Variants in HORMAD2 observed in about 807,000 individuals in gnomAD.
The protein encoded by HORMAD2 is HORMA domain-containing protein 2.
A neutral mutation model predicts 38.8 loss-of-function variants in HORMAD2; 45 were observed. The observed-to-expected ratio is 1.16, with a 90% CI of 0.91 to 1.49. The LOEUF (loss-of-function observed/expected upper bound fraction) is 1.49. Among genes scored for constraint, HORMAD2 ranks in the 40% most tolerant of loss-of-function variants. The pLI, the probability that HORMAD2 is intolerant of heterozygous loss-of-function variation, is 0.00. For missense variants in HORMAD2, 338 were observed against 367.0 expected (o/e 0.92, Z 0.65); for synonymous variants, 126 against 122.8 (o/e 1.03, Z -0.17).
intron 10 of HORMAD2, among the ~76,000 whole-genome samples, chr22:30,171,172 C>T (rs1926087137): frequency 6.6e-6 from 1 of 152,186 alleles, no homozygotes; most frequent in Non-Finnish European, 1.5e-5. Context: ...TCTGATCTTT[C>T]AATAAGCAAA....
At chr22:30,078,255 C>T (rs2068407632), upstream of HORMAD2, among the ~76,000 whole-genome samples, 1 of 152,160 alleles carries the variant, frequency 6.6e-6, no homozygotes, top group South Asian at 2.1e-4. Flanking sequence ...CCTCTGATGA[C>T]ACTTACTTAC....
intron 1 of HORMAD2, among the ~76,000 whole-genome samples, chr22:30,084,990 G>A (rs1017845190): frequency 7.3e-5 from 11 of 151,596 alleles, no homozygotes; most frequent in African/African-American, 1.7e-4. Context: ...CTAAAAATAC[G>A]AAAAAATTAG....
chr22:30,153,764 C>T (rs1259381181), intron 10 of HORMAD2, among the ~76,000 whole-genome samples: 3 of 152,220 alleles, frequency 2.0e-5, no homozygotes, highest in Non-Finnish European at 4.4e-5. Context: ...GTAAACGACA[C>T]TATCATTTAC....
chr22:30,085,457 T>TA (rs955263626), intron 1 of HORMAD2, among the ~76,000 whole-genome samples: 1 of 152,122 alleles, frequency 6.6e-6, no homozygotes, highest in South Asian at 2.1e-4. Flanking sequence ...TTATACCTAT[T>TA]AAAAAAACTT....
At chr22:30,132,477 A>G (rs1052600151) in intron 10 of HORMAD2, among the ~76,000 whole-genome samples, 5 of 151,024 alleles carry the variant, frequency 3.3e-5, no homozygotes, top group African/African-American at 1.2e-4. Context: ...CAGAGGTTGC[A>G]GTGAGCTGAG....
chr22:30,194,328 G>A, the HORMAD2 span, among the ~76,000 whole-genome samples: 5 of 152,152 alleles, frequency 3.3e-5, no homozygotes, highest in Non-Finnish European at 7.4e-5. Context: ...TGAAAAATCT[G>A]TTAAAGACAT....
intron 10 of HORMAD2, among the ~76,000 whole-genome samples, chr22:30,131,197 A>G (rs1468567404): frequency 2.0e-5 from 3 of 152,230 alleles, no homozygotes; most frequent in Non-Finnish European, 4.4e-5. Context: ...TCTAGTAGAA[A>G]TAATTAACCC....
intron 10 of HORMAD2, among the ~76,000 whole-genome samples, chr22:30,143,270 C>G (rs186402305): frequency 6.6e-6 from 1 of 152,196 alleles, no homozygotes; most frequent in Admixed American, 6.5e-5. Flanking sequence ...TACTGATGCT[C>G]TTTGTTTTCT....
At chr22:30,100,153 C>G (rs1400381191) in intron 3 of HORMAD2, among the ~76,000 whole-genome samples, 1 of 152,148 alleles carries the variant, frequency 6.6e-6, no homozygotes, top group Non-Finnish European at 1.5e-5. Flanking sequence ...AAGAACAAAG[C>G]TGGAGGCATC....
intron 10 of HORMAD2, among the ~76,000 whole-genome samples, chr22:30,171,036 C>T (rs1238691093): frequency 6.6e-6 from 1 of 152,180 alleles, no homozygotes; most frequent in Non-Finnish European, 1.5e-5. Flanking sequence ...ACTTTCTCAA[C>T]ATGACAGTCT....
chr22:30,151,347 G>A (rs1924736523), intron 10 of HORMAD2, among the ~76,000 whole-genome samples: 2 of 152,020 alleles, frequency 1.3e-5, no homozygotes, highest in South Asian at 2.1e-4. Context: ...TCCAGAAGTC[G>A]GTAAACATAT....
chr22:30,162,148 AC>A (rs1322563083), intron 10 of HORMAD2, among the ~76,000 whole-genome samples: 1 of 152,160 alleles, frequency 6.6e-6, no homozygotes, highest in Non-Finnish European at 1.5e-5. Flanking sequence ...ACCCGTCTCT[AC>A]CAAAAATACA....
chr22:30,115,735 A>G (rs867643910), intron 7 of HORMAD2, among the ~76,000 whole-genome samples: 2 of 152,204 alleles, frequency 1.3e-5, no homozygotes, highest in South Asian at 2.1e-4. Context: ...TTTCAGATAG[A>G]CATAGTGCTA....
the HORMAD2 span, among the ~76,000 whole-genome samples, chr22:30,207,352 G>T: frequency 6.6e-6 from 1 of 152,134 alleles, no homozygotes; most frequent in Non-Finnish European, 1.5e-5. Flanking sequence ...CCTATGAAGG[G>T]CAAGAAACCA....
chr22:30,090,621 AT>A (rs1258395390), intron 1 of HORMAD2, among the ~76,000 whole-genome samples: 2 of 152,190 alleles, frequency 1.3e-5, no homozygotes, highest in South Asian at 2.1e-4. Flanking sequence ...TGCCATTGCT[AT>A]TTTCCACAAT....
At chr22:30,127,481 A>G (rs1325814271) in intron 10 of HORMAD2, among the ~76,000 whole-genome samples, 1 of 152,126 alleles carries the variant, frequency 6.6e-6, no homozygotes, top group Non-Finnish European at 1.5e-5. Flanking sequence ...TGCTGGGATT[A>G]CAGGTGTGAA....
intron 1 of HORMAD2, among the ~76,000 whole-genome samples, chr22:30,087,204 A>G (rs2068585596): frequency 2.0e-5 from 3 of 152,154 alleles, no homozygotes. Flanking sequence ...GGAACGAGGA[A>G]GGGATTAAGG....
At chr22:30,151,478 T>A (rs1461412508) in intron 10 of HORMAD2, among the ~76,000 whole-genome samples, 1 of 152,182 alleles carries the variant, frequency 6.6e-6, no homozygotes, top group African/African-American at 2.4e-5. Context: ...TTTCTGAGAA[T>A]TGGTAAAGTA....
intron 1 of HORMAD2, among the ~76,000 whole-genome samples, chr22:30,087,124 G>A (rs2068584326): frequency 6.6e-6 from 1 of 152,180 alleles, no homozygotes; most frequent in African/African-American, 2.4e-5. Flanking sequence ...GCCTCCCAAA[G>A]TCCTGGGATT....
Sources: allele counts gnomAD v4.1 joint callset (sites outside exome capture counted in the v4.1 genomes callset), GRCh38; gene constraint gnomAD v4.1.1; transcripts MANE v1.5; gene names NCBI Gene and HGNC (gene_info 2026-07-23, HGNC 2026-07-21).